SUN2: variants seen among roughly 807,000 people sequenced by gnomAD.
SUN2 encodes SUN domain-containing protein 2.
In SUN2, 60 loss-of-function variants were observed where a neutral mutation model predicts 100.0. The observed-to-expected ratio is 0.60, with a 90% CI of 0.49 to 0.74. The LOEUF (loss-of-function observed/expected upper bound fraction) is 0.74. SUN2 is among the 30% of genes least tolerant of loss of function. SUN2 has a pLI of 0.00. For synonymous variants in SUN2, 367 were observed against 403.3 expected (o/e 0.91, Z 1.08); for missense variants, 834 against 954.6 (o/e 0.87, Z 1.66).
At position 38,737,524 on chromosome 22, in the gene SUN2, G is replaced by T. The variant is rs1178858072; in HGVS notation, c.2040+649C>A. 6.6e-6 allele frequency among the ~76,000 whole-genome samples: 1 copy of T among 152,086 alleles called. No individual in the cohort carries two copies. Among genetic ancestry groups the T allele is most frequent in the Non-Finnish European group, 1.5e-5 (1 of 68,014 alleles). ...AATGGACATAGCTTTGTCACCTGAA[G>T]CACAGCACTGCCTCCCCCAGGTCCC... On this transcript the variant is annotated intron_variant, in intron 17 of 17. Coordinates refer to ENST00000689035, the MANE Select transcript of SUN2 (RefSeq NM_015374.3). This position sits in a 1 kb window ranked among gnomAD's most constrained non-coding sequence, Gnocchi z 4.1.
rs201604103 is a variant in SUN2 at position 38,750,902 on chromosome 22, G to T, written c.420C>A (p.Tyr140Ter). Residue 140 changes from tyrosine to a stop codon, truncating the protein, a stop_gained, in exon 4 of 18, where the codon TAC becomes TAA. Coordinates refer to ENST00000689035, the MANE Select transcript of SUN2 (RefSeq NM_015374.3). LOFTEE classifies it high-confidence loss of function. Reference protein sequence around the residue: ...SSSGYSSEDDYVGYSDVDQQS... With the variant: ...SSSGYSSEDD ...GAGGGAGGAAGCATCGCCTACCCAC[G>T]TAGTCGTCCTCAGAGGAGTAGCCCG... is the stretch of plus-strand genomic sequence containing the variant. The T allele has an allele frequency of 1.2e-6, 2 of 1,614,022 alleles. No individual in the cohort carries two copies. The highest frequency in any genetic ancestry group is 1.7e-6 in the Non-Finnish European group (2 of 1,180,024).
chr22:38,755,811 C>A lies in SUN2; in HGVS notation c.-86G>T, dbSNP rs902845076. 3,189 of 983,882 alleles carry A rather than the reference C, an allele frequency of 3.2e-3. 3 individuals are homozygous for A. The highest frequency in any genetic ancestry group is 3.6e-3 in the Non-Finnish European group (2,947 of 829,398). The allele number at this position is 983,882 out of a possible 1,614,324, so 60.9% of individuals were successfully genotyped here. Reference sequence around the variant, plus strand: ...CCGGCCGGGGGCGTCCGAGGCCAGGCCGCCGCCGGGGCGCGCCCCCTTTCC... The same window carrying A: ...CCGGCCGGGGGCGTCCGAGGCCAGGACGCCGCCGGGGCGCGCCCCCTTTCC... On this transcript the variant is annotated 5_prime_UTR_variant, in exon 1 of 18. Coordinates refer to ENST00000689035, the MANE Select transcript of SUN2 (RefSeq NM_015374.3). This position sits in a 1 kb window ranked among gnomAD's most constrained non-coding sequence, Gnocchi z 5.7.
chr22:38,751,548 G>A lies in SUN2; in HGVS notation c.123-175C>T, dbSNP rs955549416. ...TCCCAATGCTGGCACGTCCTCTCCT[G>A]TTCTCTCTGAATCTCACCAGCAGAT... On this transcript the variant is annotated intron_variant, in intron 2 of 17. Transcript: ENST00000689035. 4.7e-6 allele frequency: 3 copies of A among 637,480 alleles called. No homozygotes were observed. In the African/African-American group the frequency reaches 5.5e-5, roughly 12 times the overall value. The allele number at this position is 637,480 out of a possible 1,614,324, so 39.5% of individuals were successfully genotyped here.
rs1210591272 is a variant in SUN2, at chr22:38,755,049, C to CA, written c.-38+713dup. On this transcript the variant is annotated intron_variant, in intron 1 of 17. Coordinates refer to ENST00000689035, the MANE Select transcript of SUN2 (RefSeq NM_015374.3). The surrounding 1 kb of genome is among the most constrained non-coding windows in gnomAD (Gnocchi z 5.7). The stretch of plus-strand genomic sequence containing the variant: ...CCCTAACAATCAGTTAGGAAACGCT[C>CA]ATCGGAAAGCATCCTTCCCCACTTC... 24 of 1,097,816 alleles carry CA rather than the reference C, an allele frequency of 2.2e-5. No homozygotes were observed. Among genetic ancestry groups the CA allele is most frequent in the Non-Finnish European group, 2.8e-5 (24 of 852,710 alleles). 68.0% of individuals were successfully genotyped at this position (1,097,816 alleles called of 1,614,324 possible).
At chr22:38,751,883 G>T (rs1030100529) in intron 2 of SUN2, among the ~76,000 whole-genome samples, 1 of 152,190 alleles carries the variant, frequency 6.6e-6, no homozygotes, top group Admixed American at 6.5e-5. Context: ...AGCAGGGGGG[G>T]TTCCTGTGAG....
At chr22:38,754,670 C>T (rs1190274835) in intron 1 of SUN2, 3 of 1,288,544 alleles carry the variant, frequency 2.3e-6, no homozygotes, top group East Asian at 1.1e-4. Context: ...CACACAGGGA[C>T]TCCTCTTAGC....
At position 38,749,732 on chromosome 22, in the gene SUN2, T is replaced by A. The variant is rs763619883; in HGVS notation, c.614+34A>T. On this transcript the variant is annotated intron_variant, in intron 6 of 17. Coordinates refer to ENST00000689035, the MANE Select transcript of SUN2 (RefSeq NM_015374.3). ...TACCCGTCCCTTCACCCCAGGGCCT[T>A]GCGATTTATTGGCAAGGGTGGAGTC... The A allele has an allele frequency of 1.9e-6, 3 of 1,600,632 alleles. No homozygotes were observed. The South Asian group carries it at 3.3e-5, about 18-fold the overall frequency.
rs764625298 is a variant in SUN2 at position 38,751,013 on chromosome 22, C to A, written c.309G>T (p.Arg103Ser). 20 of 1,613,330 alleles carry A rather than the reference C, an allele frequency of 1.2e-5. No individual in the cohort carries two copies. The African/African-American group carries it at 2.4e-4, about 19-fold the overall frequency. Residue 103 changes from arginine (R) to serine (S), a missense_variant, in exon 4 of 18, where the codon AGG (arginine) becomes AGT (serine). Transcript: ENST00000689035. ...ANWGEDLRVR[R>S]RRGTGGSESS... is the part of the protein sequence containing the mutation. Reference sequence around the variant, plus strand: ...TCTCTGAGCCACCCGTGCCTCTCCTCCTCCGCACCCGCAGGTCCTCACCTG... The same window carrying A: ...TCTCTGAGCCACCCGTGCCTCTCCTACTCCGCACCCGCAGGTCCTCACCTG...
Position 38,738,945 on chromosome 22 carries a change from G to T in SUN2, c.1707C>A (p.Thr569=), listed in dbSNP as rs755560076. The change falls in exon 15 of 18, where the codon ACC becomes ACA. Residue 569 remains threonine, a synonymous_variant. Transcript: ENST00000689035. This position sits in a 1 kb window ranked among gnomAD's most constrained non-coding sequence, Gnocchi z 6.6. ...CGAAGAGGCTGAGGAGGGCCGTCTT[G>T]GTCTCGTAGGTCTCAGAACATCGGG... The part of the protein sequence containing the change: ...ISTRCSETYE[T]KTALLSLFGI... 3.1e-6 allele frequency: 5 copies of T among 1,613,510 alleles called. No homozygotes were observed. The East Asian group carries it at 8.9e-5, about 29-fold the overall frequency.
chr22:38,749,908 A>AC (rs1370883828), intron 5 of SUN2, 49 bp from the exon 6 acceptor site: 1 of 1,555,110 alleles, frequency 6.4e-7, no homozygotes, highest in Non-Finnish European at 8.7e-7. Context: ...GTTTGGGGGC[A>AC]CCGCTCCTTT....
Position 38,737,873 on chromosome 22 carries a change from G to A in SUN2, c.2040+300C>T, listed in dbSNP as rs1207695404. The stretch of plus-strand genomic sequence containing the variant: ...TGGCATGTGCTGGCGGCGGCTCCTC[G>A]AACGCCTCTCCCGGCCTTCCTTTCC... On this transcript the variant is annotated intron_variant, in intron 17 of 17. Coordinates refer to ENST00000689035, the MANE Select transcript of SUN2 (RefSeq NM_015374.3). The surrounding 1 kb of genome is among the most constrained non-coding windows in gnomAD (Gnocchi z 4.1). 6 of 599,422 alleles carry A rather than the reference G, an allele frequency of 1.0e-5. No individual in the cohort carries two copies. Among genetic ancestry groups the A allele is most frequent in the Admixed American group, 4.3e-5 (2 of 46,394 alleles). The allele number at this position is 599,422 out of a possible 1,614,324, so 37.1% of individuals were successfully genotyped here.
chr22:38,738,454 A>G lies in SUN2; in HGVS notation c.1947+133T>C. 1 of 1,295,598 alleles carries G rather than the reference A, an allele frequency of 7.7e-7. No individual in the cohort carries two copies. Among genetic ancestry groups the G allele is most frequent in the Non-Finnish European group, 1.1e-6 (1 of 929,016 alleles). 80.3% of individuals were successfully genotyped at this position (1,295,598 alleles called of 1,614,324 possible). ...AACAGGGACTGAAGTGCTGTCTCCC[A>G]CCCTAGCTCCTCCTCTTCCAAATCC... On this transcript the variant is annotated intron_variant, in intron 16 of 17. Coordinates refer to ENST00000689035, the MANE Select transcript of SUN2 (RefSeq NM_015374.3). The surrounding 1 kb of genome is among the most constrained non-coding windows in gnomAD (Gnocchi z 6.6).
In SUN2 at chr22:38,740,773, C is replaced by T. The variant is rs1056777091; in HGVS notation, c.1190+234G>A. On this transcript the variant is annotated intron_variant, in intron 11 of 17. Transcript: ENST00000689035. The surrounding 1 kb of genome is among the most constrained non-coding windows in gnomAD (Gnocchi z 4.8). Reference sequence around the variant, plus strand: ...GGATGCTGTGTCTATAAATGAATCCCGGTCCTCTCACACAGCCTGCCCCCC... The same window carrying T: ...GGATGCTGTGTCTATAAATGAATCCTGGTCCTCTCACACAGCCTGCCCCCC... 4.3e-5 allele frequency: 26 copies of T among 599,260 alleles called. No homozygotes were observed. The highest frequency in any genetic ancestry group is 4.4e-4 in the Middle Eastern group (1 of 2,264). 37.1% of individuals were successfully genotyped at this position (599,260 alleles called of 1,614,324 possible).
At chr22:38,742,590 A>C (rs1603221360) in intron 8 of SUN2, 35 bp from the exon 9 acceptor site, 1 of 1,583,214 alleles carries the variant, frequency 6.3e-7, no homozygotes, top group Non-Finnish European at 8.6e-7. Flanking sequence ...GGAGTGAGGG[A>C]CCCTTGGATG....
intron 1 of SUN2, 128 bp from the exon 2 acceptor site, chr22:38,752,793 G>A (rs540693018): frequency 8.6e-5 from 93 of 1,085,242 alleles, no homozygotes; most frequent in South Asian, 6.4e-4. Flanking sequence ...CCCGGCCCCC[G>A]GCGTTCAGTC....
chr22:38,744,145 C>T (rs190431642), intron 8 of SUN2, among the ~76,000 whole-genome samples: 33 of 150,534 alleles, frequency 2.2e-4, no homozygotes, highest in Admixed American at 1.9e-3. Context: ...GACGCTGAGG[C>T]GGGAGAATCG....
At chr22:38,745,949 G>A (rs2092900803) in intron 7 of SUN2, 138 bp from the exon 8 acceptor site, 3 of 1,324,570 alleles carry the variant, frequency 2.3e-6, no homozygotes, top group Admixed American at 5.1e-5. Context: ...AGGCATCAGA[G>A]GGATGCAGGT....
chr22:38,752,384 C>A (rs2092952642), intron 2 of SUN2, 123 bp downstream of exon 2: 2 of 1,280,308 alleles, frequency 1.6e-6, no homozygotes, highest in Admixed American at 4.3e-5. Flanking sequence ...GGGCCCACGT[C>A]CTTCGATTTC....
At position 38,749,879 on chromosome 22, in the gene SUN2, G is replaced by A. The variant is rs767557298; in HGVS notation, c.521-20C>T. On this transcript the variant is annotated intron_variant, in intron 5 of 17. Transcript: ENST00000689035. ...GCCGGCCTGGAAGAATGACCATCAA[G>A]CCGAAGGCTCCATATGGTGTTTGGG... The A allele has an allele frequency of 3.1e-6, 5 of 1,606,394 alleles. No individual in the cohort carries two copies. Among genetic ancestry groups the A allele is most frequent in the East Asian group, 4.5e-5 (2 of 44,502 alleles).
Sources: gnomAD v4.1 joint callset for allele counts (sites outside exome capture counted in the v4.1 genomes callset) on GRCh38, gnomAD v4.1.1 for gene constraint, Gnocchi (gnomAD v3.1) non-coding constraint, MANE v1.5 for transcripts, NCBI Gene and HGNC (gene_info 2026-07-23, HGNC 2026-07-21) for gene names.